Variants in CCSER1 observed in about 807,000 individuals in gnomAD.
CCSER1 encodes coiled-coil serine rich protein 1, also known as serine-rich coiled-coil domain-containing protein 1.
A neutral mutation model predicts 82.0 loss-of-function variants in CCSER1; 41 were observed. That is an observed-to-expected ratio of 0.50 (90% CI 0.39 to 0.65). The LOEUF (loss-of-function observed/expected upper bound fraction) is 0.65. Ranked by LOEUF, CCSER1 falls within the 30% of genes least tolerant of loss-of-function variation. The pLI, the probability that CCSER1 is intolerant of heterozygous loss-of-function variation, is 0.00. For synonymous variants in CCSER1, 414 were observed against 383.9 expected (o/e 1.08, Z -0.92); for missense variants, 1,119 against 1,064.2 (o/e 1.05, Z -0.72).
At chr4:90,612,592 C>G (rs552425288) in intron 5 of CCSER1, among the ~76,000 whole-genome samples, 2 of 152,264 alleles carry the variant, frequency 1.3e-5, no homozygotes, top group African/African-American at 4.8e-5. Context: ...CTCCAAGCCA[C>G]TTCATTCTCC....
At chr4:91,075,747 G>C (rs1470189070) in intron 9 of CCSER1, among the ~76,000 whole-genome samples, 2 of 152,110 alleles carry the variant, frequency 1.3e-5, no homozygotes, top group African/African-American at 4.8e-5. Context: ...CACAAATAAA[G>C]GTGTTTGGGT....
At chr4:91,250,831 G>A (rs1740199336) in intron 10 of CCSER1, among the ~76,000 whole-genome samples, 1 of 151,766 alleles carries the variant, frequency 6.6e-6, no homozygotes, top group South Asian at 2.1e-4. Flanking sequence ...CTAAAGTATT[G>A]TGTTTTTAAA....
intron 10 of CCSER1, among the ~76,000 whole-genome samples, chr4:91,233,275 A>G (rs1437468864): frequency 4.6e-5 from 7 of 151,898 alleles, no homozygotes; most frequent in Admixed American, 3.9e-4. Context: ...TTTGTTAAAG[A>G]AAAAAATCAT....
At position 91,592,352 on chromosome 4, in the gene CCSER1, G is replaced by T. The variant is rs528407082; in HGVS notation, c.2218-6220G>T. On this transcript the variant is annotated intron_variant, in intron 10 of 10. Transcript: ENST00000509176. ...GCCAGAGTCTCTCCCATGACATGTG[G>T]GGATTACGGGAACTACAACTCAAGA... Among the ~76,000 whole-genome samples, 4 of 152,206 alleles carry T rather than the reference G, an allele frequency of 2.6e-5. No homozygotes were observed. The East Asian group carries it at 7.7e-4, about 29-fold the overall frequency.
chr4:90,739,897 C>T (rs1746267388), intron 7 of CCSER1, among the ~76,000 whole-genome samples: 1 of 152,164 alleles, frequency 6.6e-6, no homozygotes, highest in South Asian at 2.1e-4. Context: ...TTCAGTGCCT[C>T]TTTACTCGAT....
intron 10 of CCSER1, among the ~76,000 whole-genome samples, chr4:91,495,885 A>G (rs540922939): frequency 6.6e-6 from 1 of 151,738 alleles, no homozygotes; most frequent in Admixed American, 6.6e-5. Context: ...AATTAAGTCA[A>G]AATACTTTAG....
Position 91,154,324 on chromosome 4 carries a change from A to C in CCSER1, c.2217+68330A>C, listed in dbSNP as rs1465351672. On this transcript the variant is annotated intron_variant, in intron 10 of 10. Coordinates refer to ENST00000509176, the MANE Select transcript of CCSER1 (RefSeq NM_001145065.2). ...ACCCTCTGAGCCAGGCACGGGATAT[A>C]ATCTCCTGGTATGCCATTTGCTAAG... Among the ~76,000 whole-genome samples the C allele has an allele frequency of 4.6e-5, 7 of 152,048 alleles. No homozygotes were observed. In the South Asian group the frequency reaches 1.2e-3, roughly 27 times the overall value.
At chr4:90,976,565 C>A (rs1244281409) in intron 9 of CCSER1, among the ~76,000 whole-genome samples, 1 of 150,914 alleles carries the variant, frequency 6.6e-6, no homozygotes. Flanking sequence ...AAAATATAAA[C>A]CAAGATTGTG....
At chr4:90,393,632 T>C (rs888552287) in intron 3 of CCSER1, among the ~76,000 whole-genome samples, 1 of 152,160 alleles carries the variant, frequency 6.6e-6, no homozygotes, top group Admixed American at 6.5e-5. Flanking sequence ...GACTAAAATA[T>C]AACAGTATAG....
intron 5 of CCSER1, among the ~76,000 whole-genome samples, chr4:90,541,319 A>G (rs1776072451): frequency 6.6e-6 from 1 of 152,090 alleles, no homozygotes. Context: ...ACTGCTCATT[A>G]AGATTATAAT....
intron 10 of CCSER1, among the ~76,000 whole-genome samples, chr4:91,549,542 T>C (rs779852064): frequency 6.6e-6 from 1 of 151,914 alleles, no homozygotes; most frequent in Non-Finnish European, 1.5e-5. Context: ...TTATTAAGTC[T>C]TAGTCCTTTG....
chr4:91,574,007 G>A (rs141158664), intron 10 of CCSER1, among the ~76,000 whole-genome samples: 3 of 152,060 alleles, frequency 2.0e-5, no homozygotes, highest in South Asian at 2.1e-4. Flanking sequence ...GAGAGAAATC[G>A]AGGACATAAA....
At chr4:91,561,780 T>C (rs1261203022) in intron 10 of CCSER1, among the ~76,000 whole-genome samples, 1 of 150,854 alleles carries the variant, frequency 6.6e-6, no homozygotes, top group Non-Finnish European at 1.5e-5. Flanking sequence ...TGCTGCTGAA[T>C]TTTTTTTTCA....
intron 10 of CCSER1, among the ~76,000 whole-genome samples, chr4:91,531,114 A>G (rs1410624119): frequency 6.6e-6 from 1 of 152,188 alleles, no homozygotes; most frequent in East Asian, 1.9e-4. Context: ...TAATGTATAT[A>G]GGTAGTAATT....
chr4:91,116,723 T>C (rs138924357), intron 10 of CCSER1, among the ~76,000 whole-genome samples: 3,594 of 152,308 alleles, frequency 0.024, 64 homozygotes, highest in Non-Finnish European at 0.034. Context: ...AGGAATAAAC[T>C]ATCTAACAGG....
At chr4:90,755,662 T>C (rs889737538) in intron 7 of CCSER1, among the ~76,000 whole-genome samples, 8 of 152,154 alleles carry the variant, frequency 5.3e-5, no homozygotes, top group Admixed American at 5.2e-4. Context: ...GAAAACCCAA[T>C]TGAGTTATCA....
At chr4:90,269,215 A>G (rs1485529651) in intron 1 of CCSER1, among the ~76,000 whole-genome samples, 1 of 152,128 alleles carries the variant, frequency 6.6e-6, no homozygotes, top group Non-Finnish European at 1.5e-5. Context: ...CATTTCATGC[A>G]ACAGCTGCAG....
At chr4:91,088,458 G>C (rs946394214) in intron 10 of CCSER1, among the ~76,000 whole-genome samples, 2 of 152,084 alleles carry the variant, frequency 1.3e-5, no homozygotes, top group African/African-American at 4.8e-5. Flanking sequence ...CAGACAGGAA[G>C]GCTAGATTTG....
intron 5 of CCSER1, among the ~76,000 whole-genome samples, chr4:90,494,788 T>C (rs1291248424): frequency 6.6e-6 from 1 of 152,132 alleles, no homozygotes; most frequent in Non-Finnish European, 1.5e-5. Flanking sequence ...CTAACACCTA[T>C]GGTCCTAAGT....
Sources: allele counts gnomAD v4.1 joint callset (sites outside exome capture counted in the v4.1 genomes callset), GRCh38; gene constraint gnomAD v4.1.1; transcripts MANE v1.5; gene names NCBI Gene and HGNC (gene_info 2026-07-23, HGNC 2026-07-21).